The following SPEF2 variants were observed in gnomAD, a reference collection of about 807,000 sequenced individuals.
The protein encoded by SPEF2 is sperm flagellar and cilia associated 2.
Under a neutral mutation model 224.6 loss-of-function variants are expected in SPEF2, and 187 were observed. The observed-to-expected ratio is 0.83, with a 90% CI of 0.74 to 0.94. The LOEUF (loss-of-function observed/expected upper bound fraction) is 0.94. Among genes scored for constraint, SPEF2 ranks in the 40% least tolerant of loss-of-function variants. SPEF2 has a pLI of 0.00. For missense variants in SPEF2, 2,170 were observed against 2,135.6 expected (o/e 1.02, Z -0.32); for synonymous variants, 715 against 707.3 (o/e 1.01, Z -0.17).
Position 35,617,922 on chromosome 5 carries a change from G to A in SPEF2, c.-76G>A, listed in dbSNP as rs1295422212. 3.5e-6 allele frequency: 5 copies of A among 1,447,000 alleles called. No individual in the cohort carries two copies. The African/African-American group carries it at 7.0e-5, about 20-fold the overall frequency. The allele number at this position is 1,447,000 out of a possible 1,614,324, so 89.6% of individuals were successfully genotyped here. A position where few individuals can be genotyped will look rare whatever the true frequency, so the allele number is the denominator to read the frequency against. ...AGCAAAGGGTTGCCCTTGGCTACAG[G>A]AGGACGCGGGCTGGCAGGCTTGGTT... On this transcript the variant is annotated 5_prime_UTR_variant, in exon 1 of 37. Transcript: ENST00000356031.
At chr5:35,790,364 T>G (rs1755784668) in intron 30 of SPEF2, 1 of 531,306 alleles carries the variant, frequency 1.9e-6, no homozygotes, top group Admixed American at 3.6e-5. Flanking sequence ...AAAATGAAAG[T>G]GATTAGCAAT....
At chr5:35,769,991 G>GTGTC (rs1752578995) in intron 26 of SPEF2, among the ~76,000 whole-genome samples, 1 of 33,218 alleles carries the variant, frequency 3.0e-5, no homozygotes, top group African/African-American at 7.5e-5. Flanking sequence ...CCTCCATAAT[G>GTGTC]TGTGTGTGTG....
chr5:35,681,386 ACT>A (rs1752778303), intron 10 of SPEF2, among the ~76,000 whole-genome samples: 2 of 152,128 alleles, frequency 1.3e-5, no homozygotes, highest in Admixed American at 6.5e-5. Context: ...ATATACTTTG[ACT>A]CTCTAACTCT....
At chr5:35,742,978 AT>A (rs1434256763) in intron 23 of SPEF2, among the ~76,000 whole-genome samples, 1 of 151,768 alleles carries the variant, frequency 6.6e-6, no homozygotes, top group Non-Finnish European at 1.5e-5. Flanking sequence ...ACTTTTAAAT[AT>A]TTAAAGTATT....
chr5:35,624,888 G>C (rs1349490016), intron 1 of SPEF2, among the ~76,000 whole-genome samples: 1 of 152,220 alleles, frequency 6.6e-6, no homozygotes, highest in Non-Finnish European at 1.5e-5. Context: ...GCCTGCCTCA[G>C]CCTCCCAAAG....
At chr5:35,771,062 G>A (rs766670586) in intron 26 of SPEF2, among the ~76,000 whole-genome samples, 3 of 151,946 alleles carry the variant, frequency 2.0e-5, no homozygotes, top group Admixed American at 6.6e-5. Flanking sequence ...GTTGCCGAGG[G>A]TGATGAATAT....
chr5:35,805,283 G>A (rs1389154801), intron 34 of SPEF2, among the ~76,000 whole-genome samples: 1 of 151,934 alleles, frequency 6.6e-6, no homozygotes, highest in Admixed American at 6.6e-5. Flanking sequence ...TGACCATACA[G>A]AGCTATAGCA....
chr5:35,805,997 C>T (rs1337591059), intron 34 of SPEF2, among the ~76,000 whole-genome samples: 1 of 152,086 alleles, frequency 6.6e-6, no homozygotes, highest in Non-Finnish European at 1.5e-5. Context: ...GAATGAACAG[C>T]CATATACAAA....
chr5:35,797,888 A>G (rs1173232227), intron 33 of SPEF2, among the ~76,000 whole-genome samples: 1 of 152,048 alleles, frequency 6.6e-6, no homozygotes, highest in Non-Finnish European at 1.5e-5. Context: ...ACAGATCTGC[A>G]CCTCCAGGTC....
intron 30 of SPEF2, among the ~76,000 whole-genome samples, chr5:35,783,717 AG>A (rs1436204985): frequency 6.6e-6 from 1 of 152,220 alleles, no homozygotes; most frequent in Non-Finnish European, 1.5e-5. Flanking sequence ...AGGGAGTACA[AG>A]CATTCCAAAC....
chr5:35,643,882 C>G (rs1204901205), intron 3 of SPEF2, among the ~76,000 whole-genome samples: 2 of 151,942 alleles, frequency 1.3e-5, no homozygotes, highest in Non-Finnish European at 2.9e-5. Context: ...GGTAACTCGC[C>G]CAATTTTAAG....
At chr5:35,716,323 T>G (rs1167082997) in intron 20 of SPEF2, among the ~76,000 whole-genome samples, 2 of 152,168 alleles carry the variant, frequency 1.3e-5, no homozygotes, top group Non-Finnish European at 2.9e-5. Context: ...TGTTTACTAA[T>G]AGAATAATTT....
intron 36 of SPEF2, among the ~76,000 whole-genome samples, chr5:35,813,367 C>T (rs1022783563): frequency 6.6e-6 from 1 of 152,066 alleles, no homozygotes; most frequent in African/African-American, 2.4e-5. Flanking sequence ...TGACATGTGC[C>T]TGTAGTCCCA....
At chr5:35,714,377 C>T (rs73747905) in intron 20 of SPEF2, among the ~76,000 whole-genome samples, 4,247 of 151,720 alleles carry the variant, frequency 0.028, 212 homozygotes, top group African/African-American at 0.097. Context: ...GTCATGCATA[C>T]ACCCTCAATA....
intron 8 of SPEF2, among the ~76,000 whole-genome samples, chr5:35,666,538 T>C (rs1561161504): frequency 6.6e-6 from 1 of 152,210 alleles, no homozygotes; most frequent in African/African-American, 2.4e-5. Flanking sequence ...TTAACATTTG[T>C]TGGCAAATGT....
chr5:35,652,269 G>A (rs1417211906), intron 6 of SPEF2, among the ~76,000 whole-genome samples: 1 of 152,118 alleles, frequency 6.6e-6, no homozygotes, highest in Non-Finnish European at 1.5e-5. Context: ...TAAAGGAGAA[G>A]CAATTTGTTA....
rs1162948706 is a variant in SPEF2, at chr5:35,789,165, G to A, written c.4448-3175G>A. ...TCCCAACCTGTGTTACAGGCAGGCA[G>A]AGGCAAAAGTGACACCAGTCAAAAG... On this transcript the variant is annotated intron_variant, in intron 30 of 36. Transcript: ENST00000356031. 7.1e-6 allele frequency: 5 copies of A among 702,990 alleles called. No homozygotes were observed. The Admixed American group carries it at 8.0e-5, about 11-fold the overall frequency. The allele number at this position is 702,990 out of a possible 1,614,324, so 43.5% of individuals were successfully genotyped here.
intron 13 of SPEF2, 37 bp downstream of exon 13, chr5:35,694,400 A>G (rs1375951494): frequency 6.5e-7 from 1 of 1,543,618 alleles, no homozygotes; most frequent in South Asian, 1.1e-5. Context: ...TATTTACATT[A>G]GAGAGAGAAA....
intron 23 of SPEF2, among the ~76,000 whole-genome samples, chr5:35,753,251 AT>A (rs1749949504): frequency 6.6e-6 from 1 of 152,104 alleles, no homozygotes; most frequent in Admixed American, 6.6e-5. Flanking sequence ...ATACAGCTGC[AT>A]ATTTTTTTCC....
Sources: gnomAD v4.1 joint callset for allele counts (sites outside exome capture counted in the v4.1 genomes callset) on GRCh38, gnomAD v4.1.1 for gene constraint, MANE v1.5 for transcripts, NCBI Gene and HGNC (gene_info 2026-07-23, HGNC 2026-07-21) for gene names.